The following TASOR variants were observed in gnomAD, a reference collection of about 807,000 sequenced individuals.
TASOR encodes the protein protein TASOR.
In TASOR, 53 loss-of-function variants were observed where a neutral mutation model predicts 178.6. The ratio of observed to expected loss-of-function variants is 0.30; its 90% CI spans 0.24 to 0.37. The LOEUF (loss-of-function observed/expected upper bound fraction) is 0.37, where lower values mean the gene tolerates loss of function less well. TASOR is among the 10% of genes least tolerant of loss of function. The pLI is 1.00. For missense variants in TASOR, 1,815 were observed against 1,971.4 expected, an observed-to-expected ratio of 0.92 and a Z score of 1.50; for synonymous variants, 713 against 696.2, an observed-to-expected ratio of 1.02 and a Z score of -0.38.
At chr3:56,673,942 T>A (rs2031004257) in intron 1 of TASOR, among the ~76,000 whole-genome samples, 1 of 152,184 alleles carries the variant, frequency 6.6e-6, no homozygotes, top group Non-Finnish European at 1.5e-5. Context: ...AATGAGGATC[T>A]GGCATTACAT....
chr3:56,635,279 GA>G (rs1202121969), intron 17 of TASOR, among the ~76,000 whole-genome samples: 5 of 152,220 alleles, frequency 3.3e-5, no homozygotes, highest in African/African-American at 1.2e-4. Flanking sequence ...GCGGAGGTGA[GA>G]GGGGAACAAA....
At chr3:56,654,989 A>G (rs2077439607) in intron 11 of TASOR, among the ~76,000 whole-genome samples, 1 of 152,174 alleles carries the variant, frequency 6.6e-6, no homozygotes. Context: ...CTCTTTTTAC[A>G]TACCACCCCC....
In TASOR at chr3:56,640,116, A is replaced by G; in HGVS notation, c.2634T>C (p.Ile878=). The change falls in exon 16 of 24, where the codon ATT becomes ATC. Residue 878 remains isoleucine (I), a synonymous_variant. Transcript: ENST00000683822. Reference sequence around the variant, plus strand: ...TGCAATCTTCAAAATTATTCACGCTAATTAAATTTGGATCCTAAAAATCAA... The same window carrying G: ...TGCAATCTTCAAAATTATTCACGCTGATTAAATTTGGATCCTAAAAATCAA... ...KLHLKEDPNL[I]SVNNFEDCSL... 1 of 1,612,752 alleles carries G rather than the reference A, an allele frequency of 6.2e-7. No individual in the cohort carries two copies. Among genetic ancestry groups the G allele is most frequent in the Non-Finnish European group, 8.5e-7 (1 of 1,179,496 alleles).
chr3:56,647,311 T>A, intron 13 of TASOR, 88 bp from the exon 14 acceptor site: 1 of 1,060,816 alleles, frequency 9.4e-7, no homozygotes, highest in Non-Finnish European at 1.3e-6. Context: ...GCCAAAGAAG[T>A]ATAAAAACAT....
chr3:56,641,038 T>A (rs1456984111), intron 15 of TASOR, among the ~76,000 whole-genome samples: 1 of 152,202 alleles, frequency 6.6e-6, no homozygotes, highest in Non-Finnish European at 1.5e-5. Flanking sequence ...AACTTCATTA[T>A]GAAACAATAA....
chr3:56,635,621 G>A lies in TASOR; in HGVS notation c.2825-1655C>T, dbSNP rs925493689. Among the ~76,000 whole-genome samples the A allele has an allele frequency of 1.1e-4, 17 of 152,244 alleles. No homozygotes were observed. The East Asian group carries it at 1.7e-3, about 16-fold the overall frequency. On this transcript the variant is annotated intron_variant, in intron 17 of 23. Coordinates refer to ENST00000683822, the MANE Select transcript of TASOR (RefSeq NM_001365635.2). ...GCATCTCATAAAACATATGGGTTGC[G>A]AAGAACTACCTTAATTTAAAAAATT...
intron 11 of TASOR, among the ~76,000 whole-genome samples, chr3:56,656,474 C>T (rs138872744): frequency 0.012 from 1,864 of 152,072 alleles, 46 homozygotes; most frequent in African/African-American, 0.042. Context: ...GCCTGTAGTC[C>T]CAGCTACTCA....
chr3:56,664,113 C>G (rs6768191), intron 7 of TASOR: 28,000 of 149,898 alleles, frequency 0.19, 3,384 homozygotes, highest in South Asian at 0.41. Flanking sequence ...AAAAAAAAAA[C>G]AGAGAAACCT....
At chr3:56,671,750 C>G (rs1236678669) in intron 2 of TASOR, 58 bp from the exon 3 acceptor site, 20 of 1,330,576 alleles carry the variant, frequency 1.5e-5, no homozygotes, top group Non-Finnish European at 2.1e-5. Context: ...TTTCAAGCTA[C>G]AAGTTTTATT....
rs1168986591 is a variant in TASOR, at chr3:56,633,928, G to C, written c.2863C>G (p.Pro955Ala). 1.9e-6 allele frequency: 3 copies of C among 1,557,488 alleles called. No homozygotes were observed. Among genetic ancestry groups the C allele is most frequent in the Non-Finnish European group, 2.6e-6 (3 of 1,150,062 alleles). Residue 955 changes from proline (P) to alanine (A), a missense_variant, in exon 18 of 24, where the codon CCA (proline) becomes GCA (alanine). Pro to Ala is a conservative substitution (Grantham distance 27). Transcript: ENST00000683822. ...SPEEQLVCVP[P>A]QEAFPNDPRV... ...GGGTCGTTAGGAAAGGCCTCCTGTG[G>C]TGGCACACACACCAGTTGTTCTTCT...
intron 1 of TASOR, among the ~76,000 whole-genome samples, chr3:56,677,809 T>G (rs1358408573): frequency 6.6e-6 from 1 of 152,216 alleles, no homozygotes; most frequent in Non-Finnish European, 1.5e-5. Flanking sequence ...ATTTTAATTT[T>G]CCTCTAGAGA....
intron 11 of TASOR, among the ~76,000 whole-genome samples, chr3:56,660,229 C>T (rs1017889199): frequency 1.3e-5 from 2 of 151,822 alleles, no homozygotes; most frequent in East Asian, 2.0e-4. Flanking sequence ...CGGTGGCTCA[C>T]GCCTCTAATT....
chr3:56,621,547 CA>C lies in TASOR; in HGVS notation c.*1489del. On this transcript the variant is annotated 3_prime_UTR_variant, in exon 24 of 24. Coordinates refer to ENST00000683822, the MANE Select transcript of TASOR (RefSeq NM_001365635.2). ...GTGATTTCAGGGCCTTCTCCAGAAG[CA>C]AAAGGAGTTGGAAAGTAGTCTCCTG... 2 of 1,595,368 alleles carry C rather than the reference CA, an allele frequency of 1.3e-6. No homozygotes were observed. The highest frequency in any genetic ancestry group is 1.8e-5 in the Admixed American group (1 of 56,650).
chr3:56,652,924 T>C (rs1014962411), intron 11 of TASOR, among the ~76,000 whole-genome samples: 7 of 152,070 alleles, frequency 4.6e-5, no homozygotes, highest in South Asian at 2.1e-4. Context: ...ATGGAAAACA[T>C]AGACAAGGTT....
At position 56,656,304 on chromosome 3, in the gene TASOR, C is replaced by T. The variant is rs920376564; in HGVS notation, c.1368+4427G>A. On this transcript the variant is annotated intron_variant, in intron 11 of 23. Transcript: ENST00000683822. ...GTACTAACATGGAAAATACTATTCA[C>T]GGGCCAGGCATGGCGGTTCACACCT... 6.6e-5 allele frequency among the ~76,000 whole-genome samples: 10 copies of T among 152,152 alleles called. No homozygotes were observed. In the East Asian group the frequency reaches 9.6e-4, roughly 15 times the overall value.
intron 18 of TASOR, among the ~76,000 whole-genome samples, chr3:56,632,161 T>C (rs943838202): frequency 1.3e-5 from 2 of 152,058 alleles, no homozygotes; most frequent in Admixed American, 6.6e-5. Context: ...TCTGTTTTTT[T>C]CCCTCCTCTT....
chr3:56,665,316 T>C (rs1194575687), intron 7 of TASOR, among the ~76,000 whole-genome samples: 1 of 152,136 alleles, frequency 6.6e-6, no homozygotes, highest in Non-Finnish European at 1.5e-5. Context: ...AAGCTCCCCA[T>C]TTCCAAGGGT....
chr3:56,681,256 G>A (rs1047973656), intron 1 of TASOR, among the ~76,000 whole-genome samples: 2 of 152,066 alleles, frequency 1.3e-5, no homozygotes, highest in African/African-American at 2.4e-5. Context: ...TCTACCAATT[G>A]ATTACACTGG....
intron 11 of TASOR, among the ~76,000 whole-genome samples, chr3:56,656,612 A>G (rs1275124934): frequency 6.6e-6 from 1 of 151,986 alleles, no homozygotes; most frequent in Non-Finnish European, 1.5e-5. Flanking sequence ...CAAAAAAAGA[A>G]AGAAAATACT....
Sources: gnomAD v4.1 joint callset for allele counts (sites outside exome capture counted in the v4.1 genomes callset) on GRCh38, gnomAD v4.1.1 for gene constraint, MANE v1.5 for transcripts, NCBI Gene and HGNC (gene_info 2026-07-23, HGNC 2026-07-21) for gene names.